EPB41L3: variants seen among roughly 807,000 people sequenced by gnomAD.
The protein encoded by EPB41L3 is band 4.1-like protein 3.
EPB41L3 carries 57 observed loss-of-function variants against 127.1 expected under a neutral mutation model. That is an observed-to-expected ratio of 0.45 (90% CI 0.36 to 0.56). EPB41L3 has a LOEUF of 0.56. Ranked by LOEUF, EPB41L3 falls within the 20% of genes least tolerant of loss-of-function variation. The pLI is 0.00. For missense variants in EPB41L3, 1,273 were observed against 1,372.2 expected, an observed-to-expected ratio of 0.93 and a Z score of 1.14; for synonymous variants, 572 against 549.5, an observed-to-expected ratio of 1.04 and a Z score of -0.57.
intron 1 of EPB41L3, among the ~76,000 whole-genome samples, chr18:5,528,116 G>A (rs2093293208): frequency 6.6e-6 from 1 of 152,208 alleles, no homozygotes; most frequent in South Asian, 2.1e-4. Context: ...TCTTCTAAGA[G>A]GGAGAGAGGT....
chr18:5,425,771 T>C (rs925744579), intron 9 of EPB41L3, among the ~76,000 whole-genome samples: 1 of 152,172 alleles, frequency 6.6e-6, no homozygotes, highest in Non-Finnish European at 1.5e-5. Flanking sequence ...CTGAGCCTGC[T>C]TATGCCAGCA....
At chr18:5,414,478 C>T (rs1171335615) in intron 13 of EPB41L3, among the ~76,000 whole-genome samples, 2 of 152,182 alleles carry the variant, frequency 1.3e-5, no homozygotes, top group East Asian at 1.9e-4. Context: ...GATACTCGCA[C>T]ACCCTCAACA....
At chr18:5,475,276 C>T (rs2086946398) in intron 3 of EPB41L3, among the ~76,000 whole-genome samples, 1 of 152,144 alleles carries the variant, frequency 6.6e-6, no homozygotes, top group Admixed American at 6.5e-5. Flanking sequence ...AAATTAGTTG[C>T]TCTAATCTTC....
chr18:5,583,441 T>C (rs2094413840), intron 3 of EPB41L3, among the ~76,000 whole-genome samples: 1 of 152,232 alleles, frequency 6.6e-6, no homozygotes, highest in African/African-American at 2.4e-5. Context: ...ATACAGGTCA[T>C]TAAGAGTAGC....
intron 1 of EPB41L3, among the ~76,000 whole-genome samples, chr18:5,541,646 AT>A (rs1186145487): frequency 1.3e-5 from 2 of 152,256 alleles, no homozygotes; most frequent in Admixed American, 6.5e-5. Flanking sequence ...GTTAAAAAAA[AT>A]CCTGATCTTT....
At chr18:5,469,566 T>C (rs1326618069) in intron 3 of EPB41L3, among the ~76,000 whole-genome samples, 2 of 152,066 alleles carry the variant, frequency 1.3e-5, no homozygotes, top group African/African-American at 2.4e-5. Context: ...TCTGGGCCAG[T>C]AGCATGAGCC....
chr18:5,612,630 C>G (rs2094740969), intron 2 of EPB41L3, among the ~76,000 whole-genome samples: 1 of 152,156 alleles, frequency 6.6e-6, no homozygotes, highest in South Asian at 2.1e-4. Context: ...AGTTAATCCT[C>G]TCTTGTAATT....
intron 13 of EPB41L3, among the ~76,000 whole-genome samples, chr18:5,413,317 G>A (rs746627795): frequency 5.9e-5 from 9 of 151,994 alleles, no homozygotes; most frequent in Non-Finnish European, 1.2e-4. Context: ...TTGATATCCT[G>A]CCCCTTATTT....
intron 13 of EPB41L3, among the ~76,000 whole-genome samples, chr18:5,414,887 G>A (rs1216666175): frequency 6.6e-6 from 1 of 152,244 alleles, no homozygotes; most frequent in Non-Finnish European, 1.5e-5. Context: ...GTCGGGGACA[G>A]GAGCCTGCCC....
At chr18:5,429,524 G>A (rs1439903035) in intron 8 of EPB41L3, 1 of 152,256 alleles carries the variant, frequency 6.6e-6, no homozygotes, top group Admixed American at 6.5e-5. Flanking sequence ...AAAGGGTCAT[G>A]AGCTGAGCAT....
At chr18:5,471,550 G>A (rs915556667) in intron 3 of EPB41L3, among the ~76,000 whole-genome samples, 38 of 152,146 alleles carry the variant, frequency 2.5e-4, no homozygotes, top group African/African-American at 8.9e-4. Flanking sequence ...ACTGCTTTCC[G>A]CATTAAACCA....
chr18:5,428,391 T>C lies in EPB41L3; in HGVS notation c.987A>G (p.Ile329Met), dbSNP rs1395521426. The change falls in exon 9 of 23, where the codon ATA (isoleucine) becomes ATG (methionine). Residue 329 changes from isoleucine to methionine, a missense_variant. Ile to Met is a conservative substitution (Grantham distance 10). Transcript: ENST00000341928. ...GAACCTTGGGCCAGGCAAATCTGTT[T>C]ATTCGCAGCCGGTCGCGATATATCA... Reference protein sequence around the residue: ...GLLIYRDRLRINRFAWPKVLK... With the variant: ...GLLIYRDRLRMNRFAWPKVLK... 6.2e-7 allele frequency: 1 copy of C among 1,614,230 alleles called. No homozygotes were observed. The highest frequency in any genetic ancestry group is 8.5e-7 in the Non-Finnish European group (1 of 1,180,046).
chr18:5,504,416 C>A (rs148396683), intron 1 of EPB41L3, among the ~76,000 whole-genome samples: 1,687 of 152,238 alleles, frequency 0.011, 17 homozygotes, highest in Non-Finnish European at 0.019. Context: ...TCACTGTATT[C>A]TTTTCTTTTC....
chr18:5,395,034 C>T, intron 21 of EPB41L3, 33 bp downstream of exon 21: 1 of 1,601,902 alleles, frequency 6.2e-7, no homozygotes, highest in Non-Finnish European at 8.6e-7. Flanking sequence ...CTTTGTTTCT[C>T]TGCCAGGGTA....
intron 1 of EPB41L3, among the ~76,000 whole-genome samples, chr18:5,503,997 A>T (rs2091956290): frequency 6.6e-6 from 1 of 152,250 alleles, no homozygotes; most frequent in Non-Finnish European, 1.5e-5. Context: ...AGTAATGATT[A>T]TTGCTGAAAA....
At chr18:5,424,411 G>A in intron 9 of EPB41L3, 52 bp from the exon 10 acceptor site, 1 of 1,413,334 alleles carries the variant, frequency 7.1e-7, no homozygotes, top group Non-Finnish European at 9.7e-7. Context: ...ATAAATAACA[G>A]AAGCCCTGTA....
chr18:5,394,939 T>C (rs925120077), intron 21 of EPB41L3, 128 bp downstream of exon 21: 41 of 1,205,610 alleles, frequency 3.4e-5, no homozygotes, highest in Admixed American at 1.3e-4. Flanking sequence ...ATAAATCATA[T>C]ATTGGAAAGT....
chr18:5,478,144 G>A, intron 3 of EPB41L3, 97 bp downstream of exon 3: 1 of 1,053,434 alleles, frequency 9.5e-7, no homozygotes. Context: ...TAATTTTCCA[G>A]AGTCCTAGAA....
At chr18:5,468,286 T>A (rs1310225973) in intron 3 of EPB41L3, among the ~76,000 whole-genome samples, 1 of 152,146 alleles carries the variant, frequency 6.6e-6, no homozygotes, top group Non-Finnish European at 1.5e-5. Context: ...GGCAGGCTCC[T>A]GGCAGAAAGG....
Sources: allele counts gnomAD v4.1 joint callset (sites outside exome capture counted in the v4.1 genomes callset), GRCh38; gene constraint gnomAD v4.1.1; transcripts MANE v1.5; gene names NCBI Gene and HGNC (gene_info 2026-07-23, HGNC 2026-07-21).